ANK2: variants seen among roughly 807,000 people sequenced by gnomAD.
ANK2 encodes ankyrin-2.
In ANK2, 83 loss-of-function variants were observed where a neutral mutation model predicts 360.5. The observed-to-expected ratio is 0.23, with a 90% CI of 0.19 to 0.28. The LOEUF (loss-of-function observed/expected upper bound fraction) is 0.28, where lower values mean the gene tolerates loss of function less well. Ranked by LOEUF, ANK2 falls within the 10% of genes least tolerant of loss-of-function variation. The pLI, the probability that ANK2 is intolerant of heterozygous loss-of-function variation, is 1.00. For synonymous variants in ANK2, 1,740 were observed against 1,759.5 expected (o/e 0.99, Z 0.28); for missense variants, 4,201 against 4,795.7 (o/e 0.88, Z 3.66).
At chr4:112,940,931 A>C (rs2094159221) in intron 2 of ANK2, among the ~76,000 whole-genome samples, 1 of 152,086 alleles carries the variant, frequency 6.6e-6, no homozygotes, top group Admixed American at 6.6e-5. Flanking sequence ...TTCTATTAAA[A>C]ACTTAACATC....
intron 2 of ANK2, among the ~76,000 whole-genome samples, chr4:112,960,210 T>C (rs948991789): frequency 2.0e-5 from 3 of 152,124 alleles, no homozygotes; most frequent in African/African-American, 7.2e-5. Flanking sequence ...GAGGTGCCAT[T>C]AGGCTGGAGG....
intron 1 of ANK2, among the ~76,000 whole-genome samples, chr4:112,835,729 G>A (rs1055282186): frequency 1.3e-5 from 2 of 152,038 alleles, no homozygotes; most frequent in Non-Finnish European, 2.9e-5. Flanking sequence ...AAAATGCTTG[G>A]TAAAGTTCCT....
chr4:112,735,686 T>C, the ANK2 span, among the ~76,000 whole-genome samples: 1 of 152,196 alleles, frequency 6.6e-6, no homozygotes, highest in East Asian at 1.9e-4. Flanking sequence ...TTTTTTTAAA[T>C]TGTGGTAAAA....
intron 1 of ANK2, among the ~76,000 whole-genome samples, chr4:112,871,567 CT>C (rs1240043225): frequency 3.3e-5 from 5 of 152,162 alleles, no homozygotes; most frequent in African/African-American, 1.2e-4. Flanking sequence ...AGATAGATTT[CT>C]TTCTTCTTTT....
chr4:112,710,306 A>G, the ANK2 span, among the ~76,000 whole-genome samples: 11 of 152,216 alleles, frequency 7.2e-5, no homozygotes, highest in African/African-American at 1.2e-4. Context: ...CTAGCTATCT[A>G]TAATTATTCT....
chr4:113,301,001 C>T (rs1442224756), intron 22 of ANK2, among the ~76,000 whole-genome samples: 1 of 152,142 alleles, frequency 6.6e-6, no homozygotes, highest in Non-Finnish European at 1.5e-5. Context: ...TTGAAGTTAT[C>T]TACTGCTTTT....
chr4:112,808,049 T>C, the ANK2 span, among the ~76,000 whole-genome samples: 1 of 152,210 alleles, frequency 6.6e-6, no homozygotes, highest in Non-Finnish European at 1.5e-5. Context: ...TTAAGAACAG[T>C]CAGTGAGAAA....
intron 1 of ANK2, among the ~76,000 whole-genome samples, chr4:113,083,121 A>G (rs1430638457): frequency 3.3e-5 from 5 of 152,118 alleles, no homozygotes; most frequent in Non-Finnish European, 5.9e-5. Context: ...TTTAGGGTAT[A>G]TGTGCACAAT....
chr4:113,152,908 A>G (rs2097147805), intron 1 of ANK2, among the ~76,000 whole-genome samples: 2 of 152,186 alleles, frequency 1.3e-5, no homozygotes, highest in South Asian at 4.1e-4. Flanking sequence ...CTCAAAAAAA[A>G]ATAGTAAAAA....
chr4:112,723,877 GAT>G, the ANK2 span, among the ~76,000 whole-genome samples: 56,421 of 151,726 alleles, frequency 0.37, 11,769 homozygotes, highest in Middle Eastern at 0.48. Flanking sequence ...TAGTTGATAT[GAT>G]ATATGCATTG....
the ANK2 span, chr4:112,755,917 C>CTTA: frequency 0.032 from 4,749 of 149,850 alleles, 141 homozygotes; most frequent in African/African-American, 0.081. Flanking sequence ...TTGGACTACC[C>CTTA]TTATTATTAT....
chr4:112,795,945 G>A, the ANK2 span, among the ~76,000 whole-genome samples: 20 of 150,930 alleles, frequency 1.3e-4, no homozygotes, highest in Non-Finnish European at 2.9e-4. Context: ...GACTATAGGT[G>A]TACACCACCA....
intron 2 of ANK2, among the ~76,000 whole-genome samples, chr4:112,924,108 G>A (rs868387848): frequency 4.5e-4 from 69 of 152,104 alleles, no homozygotes; most frequent in African/African-American, 1.3e-3. Flanking sequence ...AGTGGCTCAC[G>A]CCTGTAATCC....
chr4:113,146,109 A>C, intron 1 of ANK2: 1 of 1,186,510 alleles, frequency 8.4e-7, no homozygotes, highest in Non-Finnish European at 1.1e-6. Flanking sequence ...AAGCTGACAG[A>C]ATAAAGCCAA....
the ANK2 span, among the ~76,000 whole-genome samples, chr4:112,749,571 A>T: frequency 6.6e-6 from 1 of 152,134 alleles, no homozygotes; most frequent in Admixed American, 6.5e-5. Flanking sequence ...TATGAGAGAG[A>T]TGGTCTCCTA....
the ANK2 span, among the ~76,000 whole-genome samples, chr4:112,722,522 A>G: frequency 6.6e-6 from 1 of 152,194 alleles, no homozygotes; most frequent in African/African-American, 2.4e-5. Context: ...CAATAGTGTC[A>G]TCGATGATTG....
intron 1 of ANK2, among the ~76,000 whole-genome samples, chr4:113,051,017 A>T (rs1459963005): frequency 2.0e-5 from 3 of 152,188 alleles, no homozygotes; most frequent in African/African-American, 7.2e-5. Flanking sequence ...TAGCGTAGAG[A>T]TAGTGATACA....
the ANK2 span, among the ~76,000 whole-genome samples, chr4:112,765,231 T>C: frequency 6.6e-6 from 1 of 152,244 alleles, no homozygotes; most frequent in Admixed American, 6.5e-5. Flanking sequence ...CTAGTCTGTG[T>C]TTAAACATCC....
chr4:113,205,173 T>C (rs1301915379), intron 4 of ANK2, among the ~76,000 whole-genome samples: 1 of 137,772 alleles, frequency 7.3e-6, no homozygotes, highest in African/African-American at 2.8e-5. Context: ...GAGGCGGAGC[T>C]TGCAGTGAGC....
Sources: allele counts gnomAD v4.1 joint callset (sites outside exome capture counted in the v4.1 genomes callset), GRCh38; gene constraint gnomAD v4.1.1; transcripts MANE v1.5; gene names NCBI Gene and HGNC (gene_info 2026-07-23, HGNC 2026-07-21).